AKAP13: variants seen among roughly 807,000 people sequenced by gnomAD.
AKAP13 encodes the protein A-kinase anchoring protein 13, also known as A-kinase anchor protein 13.
Under a neutral mutation model 264.5 loss-of-function variants are expected in AKAP13, and 80 were observed. The ratio of observed to expected loss-of-function variants is 0.30; its 90% CI spans 0.25 to 0.36. The LOEUF is 0.36. Among genes scored for constraint, AKAP13 ranks in the 10% least tolerant of loss-of-function variants. The pLI is 1.00. For missense variants in AKAP13, 3,712 were observed against 3,435.2 expected, an observed-to-expected ratio of 1.08 and a Z score of -2.01; for synonymous variants, 1,380 against 1,250.2, an observed-to-expected ratio of 1.10 and a Z score of -2.19.
chr15:85,457,933 A>G (rs778807806), intron 1 of AKAP13, among the ~76,000 whole-genome samples: 3 of 152,036 alleles, frequency 2.0e-5, no homozygotes, highest in Non-Finnish European at 4.4e-5. Flanking sequence ...TGAGGTCACG[A>G]AATCGAGACC....
chr15:85,723,302 G>A lies in AKAP13; in HGVS notation c.6727G>A (p.Ala2243Thr). Reference sequence around the variant, plus strand: ...TGATGGGAGTGTGTTTCTGAAGAATGCAGCAGGAAGGTTGAAAGGTAAGGC... The same window carrying A: ...TGATGGGAGTGTGTTTCTGAAGAATACAGCAGGAAGGTTGAAAGGTAAGGC... Reference protein sequence around the residue: ...VRDGSVFLKNAAGRLKEVQAV... With the variant: ...VRDGSVFLKNTAGRLKEVQAV... The change falls in exon 26 of 37, where the codon GCA (alanine) becomes ACA (threonine). Residue 2243 changes from alanine to threonine, a missense_variant. Physicochemically the swap from Ala to Thr is moderately conservative, Grantham distance 58 (BLOSUM62 0). Transcript: ENST00000394518. 6.2e-7 allele frequency: 1 copy of A among 1,614,118 alleles called. No homozygotes were observed. Among genetic ancestry groups the A allele is most frequent in the Non-Finnish European group, 8.5e-7 (1 of 1,179,968 alleles).
At chr15:85,465,796 A>G (rs62022111) in intron 1 of AKAP13, among the ~76,000 whole-genome samples, 31,098 of 149,790 alleles carry the variant, frequency 0.21, 4,248 homozygotes, top group Non-Finnish European at 0.31. Context: ...TATTGTGAAT[A>G]GTGCCGCAAT....
At chr15:85,709,026 C>G (rs920683535) in intron 18 of AKAP13, among the ~76,000 whole-genome samples, 3 of 152,260 alleles carry the variant, frequency 2.0e-5, no homozygotes, top group African/African-American at 7.2e-5. Context: ...GTCAAAATGG[C>G]AAAGAATAGG....
intron 7 of AKAP13, chr15:85,582,991 CTA>C: frequency 2.0e-6 from 2 of 985,456 alleles, no homozygotes; most frequent in Non-Finnish European, 2.4e-6. Flanking sequence ...TGGAAATAAA[CTA>C]TCTGAATAAA....
At chr15:85,563,664 G>A (rs781185013) in intron 5 of AKAP13, among the ~76,000 whole-genome samples, 6 of 152,130 alleles carry the variant, frequency 3.9e-5, no homozygotes, top group Non-Finnish European at 8.8e-5. Context: ...ATTATATAAG[G>A]GGGAGAGCAC....
rs1377752484 is a variant in AKAP13 at position 85,381,436 on chromosome 15, C to G, written c.-12+638C>G. On this transcript the variant is annotated intron_variant, in intron 1 of 36. Transcript: ENST00000394518. The stretch of plus-strand genomic sequence containing the variant: ...TGCGGTCCCCACGCGCTCTGGGACC[C>G]GTGCAGCCAGCCGGCTCAGCTTGCA... Among the ~76,000 whole-genome samples the G allele has an allele frequency of 8.7e-5, 13 of 148,768 alleles. 1 individual carries two copies. The highest frequency in any genetic ancestry group is 2.2e-4 in the African/African-American group (9 of 40,384).
At chr15:85,665,650 G>A (rs1289044202) in intron 13 of AKAP13, among the ~76,000 whole-genome samples, 4 of 152,130 alleles carry the variant, frequency 2.6e-5, no homozygotes, top group African/African-American at 9.7e-5. Context: ...TTTACATTAG[G>A]TATTTCTCCT....
At chr15:85,564,580 C>A (rs2078536218) in intron 5 of AKAP13, among the ~76,000 whole-genome samples, 2 of 152,094 alleles carry the variant, frequency 1.3e-5, no homozygotes, top group African/African-American at 4.8e-5. Context: ...AAGTATTTTT[C>A]CTCCTGATCT....
chr15:85,610,462 G>A (rs930000406), intron 8 of AKAP13, among the ~76,000 whole-genome samples: 2 of 152,216 alleles, frequency 1.3e-5, no homozygotes, highest in African/African-American at 4.8e-5. Flanking sequence ...ACAATCAAAA[G>A]TATACAAAAG....
At position 85,727,193 on chromosome 15, in the gene AKAP13, C is replaced by A. The variant is rs1179251092; in HGVS notation, c.6950C>A (p.Ser2317Tyr). 1.2e-6 allele frequency: 2 copies of A among 1,614,004 alleles called. No homozygotes were observed. Among genetic ancestry groups the A allele is most frequent in the East Asian group, 4.5e-5 (2 of 44,892 alleles). Reference protein sequence around the residue: ...DPEMVEVHASSKEERNSWIQI... With the variant: ...DPEMVEVHASYKEERNSWIQI... ...GAGATGGTAGAAGTCCATGCCAGCTCCAAAGAGGAACGAAACAGCTGGATT... is the reference window on the plus strand; with the variant it reads ...GAGATGGTAGAAGTCCATGCCAGCTACAAAGAGGAACGAAACAGCTGGATT... The change falls in exon 28 of 37, where the codon TCC (serine) becomes TAC (tyrosine). Residue 2317 changes from serine to tyrosine, a missense_variant. Around this residue, in one of 3 missense-constraint regions of AKAP13, gnomAD observed 342 missense variants for 484.3 expected, o/e 0.71. Transcript: ENST00000394518. The surrounding 1 kb of genome is among the most constrained non-coding windows in gnomAD (Gnocchi z 5.3).
intron 2 of AKAP13, among the ~76,000 whole-genome samples, chr15:85,512,361 C>T (rs1470004864): frequency 1.3e-5 from 2 of 152,142 alleles, no homozygotes; most frequent in African/African-American, 4.8e-5. Context: ...CTTCTCCTCC[C>T]TTCTCCACCT....
chr15:85,441,850 T>C (rs1382029143), intron 1 of AKAP13, among the ~76,000 whole-genome samples: 1 of 152,160 alleles, frequency 6.6e-6, no homozygotes, highest in Non-Finnish European at 1.5e-5. Context: ...TCTGACTGAA[T>C]TGGGAGAAGA....
Position 85,718,947 on chromosome 15 carries a change from A to T in AKAP13, c.6002-129A>T. 1 of 1,276,866 alleles carries T rather than the reference A, an allele frequency of 7.8e-7. No homozygotes were observed. Among genetic ancestry groups the T allele is most frequent in the Non-Finnish European group, 1.1e-6 (1 of 930,624 alleles). 79.1% of individuals were successfully genotyped at this position (1,276,866 alleles called of 1,614,324 possible). A position where few individuals can be genotyped will look rare whatever the true frequency, so the allele number is the denominator to read the frequency against. The stretch of plus-strand genomic sequence containing the variant: ...AAACGAGAACACTTTTAGGGGAAAG[A>T]TAGCTGTTGACCCAATTTTAAGGTT... On this transcript the variant is annotated intron_variant, in intron 22 of 36. Transcript: ENST00000394518. This position sits in a 1 kb window ranked among gnomAD's most constrained non-coding sequence, Gnocchi z 4.9.
At chr15:85,520,566 G>A (rs1045664490) in intron 2 of AKAP13, 17 of 484,570 alleles carry the variant, frequency 3.5e-5, no homozygotes, top group Non-Finnish European at 4.9e-5. Context: ...TAGTTGCAAA[G>A]TCATAGACAA....
At chr15:85,418,408 G>A (rs991992049) in intron 1 of AKAP13, among the ~76,000 whole-genome samples, 6 of 152,238 alleles carry the variant, frequency 3.9e-5, no homozygotes, top group Middle Eastern at 3.4e-3. Flanking sequence ...AAGTCAGTGT[G>A]TGTATTTTAG....
chr15:85,596,854 C>A (rs1368253113), intron 8 of AKAP13, among the ~76,000 whole-genome samples: 1 of 152,022 alleles, frequency 6.6e-6, no homozygotes, highest in Non-Finnish European at 1.5e-5. Flanking sequence ...GTGTATGTTT[C>A]TTTTACTGTG....
At chr15:85,700,673 A>G (rs2085858492) in intron 17 of AKAP13, among the ~76,000 whole-genome samples, 1 of 152,254 alleles carries the variant, frequency 6.6e-6, no homozygotes, top group Non-Finnish European at 1.5e-5. Flanking sequence ...ATTTAAAACT[A>G]CATAAAAACG....
In AKAP13 at chr15:85,724,162, G is replaced by A. The variant is rs12148571; in HGVS notation, c.6745+842G>A. Among the ~76,000 whole-genome samples, 22,953 of 152,188 alleles carry A rather than the reference G, an allele frequency of 0.15. 2,214 individuals carry two copies. Among genetic ancestry groups the A allele is most frequent in the Non-Finnish European group, 0.22 (15,169 of 67,976 alleles). ...AAAGAAGGTGGAGGAAATGGGTGCT[G>A]CTTTCATTTCTGAGGTATAAGTGAT... On this transcript the variant is annotated intron_variant, in intron 26 of 36. Coordinates refer to ENST00000394518, the MANE Select transcript of AKAP13 (RefSeq NM_007200.5). The surrounding 1 kb of genome is among the most constrained non-coding windows in gnomAD (Gnocchi z 4.2).
At chr15:85,633,546 T>TC (rs2081947554) in intron 8 of AKAP13, among the ~76,000 whole-genome samples, 2 of 132,482 alleles carry the variant, frequency 1.5e-5, no homozygotes, top group Admixed American at 7.3e-5. Context: ...TTTTTTTTTT[T>TC]TTTTTTTTTT....
Sources: gnomAD v4.1 joint callset for allele counts (sites outside exome capture counted in the v4.1 genomes callset) on GRCh38, gnomAD v4.1.1 for gene constraint, gnomAD v4.1.1 regional missense constraint, Gnocchi (gnomAD v3.1) non-coding constraint, MANE v1.5 for transcripts, NCBI Gene and HGNC (gene_info 2026-07-23, HGNC 2026-07-21) for gene names.